Variants in YPEL1 observed in about 807,000 individuals in gnomAD.
YPEL1 encodes the protein protein yippee-like 1.
A neutral mutation model predicts 17.3 loss-of-function variants in YPEL1; 7 were observed. The ratio of observed to expected loss-of-function variants is 0.40; its 90% CI spans 0.23 to 0.76. The LOEUF is 0.76. YPEL1 is among the 30% of genes least tolerant of loss of function. The pLI is 0.35. For synonymous variants in YPEL1, 59 were observed against 59.6 expected, an observed-to-expected ratio of 0.99 and a Z score of 0.05; for missense variants, 91 against 155.5, an observed-to-expected ratio of 0.59 and a Z score of 2.21.
At chr22:21,715,635 G>C (rs776473249) in intron 1 of YPEL1, among the ~76,000 whole-genome samples, 7 of 151,644 alleles carry the variant, frequency 4.6e-5, no homozygotes, top group Non-Finnish European at 8.8e-5. Context: ...AGGCTGGAGT[G>C]CGATGGCACC....
At chr22:21,723,176 G>A (rs918031050) in intron 1 of YPEL1, 5 of 151,004 alleles carry the variant, frequency 3.3e-5, no homozygotes, top group African/African-American at 9.8e-5. Flanking sequence ...TGAGTGGTGC[G>A]CCTGGCAGGG....
At chr22:21,715,355 G>A (rs1476318853) in intron 1 of YPEL1, among the ~76,000 whole-genome samples, 5 of 151,826 alleles carry the variant, frequency 3.3e-5, no homozygotes, top group African/African-American at 4.8e-5. Flanking sequence ...TTAGCTGGGC[G>A]TGGTGGCGTG....
chr22:21,734,960 T>C (rs1034849172), intron 1 of YPEL1, among the ~76,000 whole-genome samples: 4 of 151,992 alleles, frequency 2.6e-5, no homozygotes, highest in Non-Finnish European at 4.4e-5. Context: ...GGCGGGGAAA[T>C]TGATGTCTTC....
intron 2 of YPEL1, among the ~76,000 whole-genome samples, chr22:21,707,628 T>G: frequency 6.6e-6 from 1 of 152,232 alleles, no homozygotes; most frequent in East Asian, 1.9e-4. Context: ...AATAATCATC[T>G]TATAGACTTT....
chr22:21,704,928 A>C (rs2068102037), intron 2 of YPEL1, among the ~76,000 whole-genome samples: 1 of 152,104 alleles, frequency 6.6e-6, no homozygotes, highest in African/African-American at 2.4e-5. Flanking sequence ...ATCGACCTCA[A>C]ACATAATCAA....
At chr22:21,728,082 G>A (rs905379212) in intron 1 of YPEL1, among the ~76,000 whole-genome samples, 4 of 152,164 alleles carry the variant, frequency 2.6e-5, no homozygotes, top group South Asian at 2.1e-4. Flanking sequence ...ATGTGGCCCC[G>A]CCATGTTCAG....
chr22:21,730,243 T>C (rs890000645), intron 1 of YPEL1, among the ~76,000 whole-genome samples: 2 of 152,014 alleles, frequency 1.3e-5, no homozygotes, highest in Non-Finnish European at 2.9e-5. Flanking sequence ...ATCATGGGGC[T>C]TCCAGAGTCT....
At chr22:21,724,478 T>C (rs1443905135) in intron 1 of YPEL1, among the ~76,000 whole-genome samples, 2 of 152,002 alleles carry the variant, frequency 1.3e-5, no homozygotes, top group Non-Finnish European at 2.9e-5. Flanking sequence ...TGGAGGTTGC[T>C]GTGAGCCATG....
chr22:21,733,424 T>C (rs1222124873), intron 1 of YPEL1, among the ~76,000 whole-genome samples: 3 of 146,116 alleles, frequency 2.1e-5, no homozygotes, highest in Non-Finnish European at 4.5e-5. Flanking sequence ...TCTCAAAAAA[T>C]AAACAAATAA....
chr22:21,706,716 G>A (rs1205499433), intron 2 of YPEL1, among the ~76,000 whole-genome samples: 1 of 152,048 alleles, frequency 6.6e-6, no homozygotes, highest in Non-Finnish European at 1.5e-5. Context: ...CATGGTGGCT[G>A]TGAGCCTGTA....
Position 21,703,490 on chromosome 22 carries a change from G to C in YPEL1, c.162-12C>G, listed in dbSNP as rs1283739752. On this transcript the variant is annotated splice_polypyrimidine_tract_variant and intron_variant, in intron 3 of 4. Transcript: ENST00000339468. The surrounding 1 kb of genome is among the most constrained non-coding windows in gnomAD (Gnocchi z 6.1). ...AGCCCACGTTCACCCTGCGGGGACA[G>C]AGGGGCCACTGCGCTGCAGGCCCGG... 6.2e-7 allele frequency: 1 copy of C among 1,604,280 alleles called. No homozygotes were observed. The highest frequency in any genetic ancestry group is 1.3e-5 in the African/African-American group (1 of 74,886).
At position 21,703,711 on chromosome 22, in the gene YPEL1, C is replaced by CGGG. The variant is rs1555903184; in HGVS notation, c.161+125_161+127dup. On this transcript the variant is annotated intron_variant, in intron 3 of 4. Coordinates refer to ENST00000339468, the MANE Select transcript of YPEL1 (RefSeq NM_013313.5). This position sits in a 1 kb window ranked among gnomAD's most constrained non-coding sequence, Gnocchi z 6.1. ...CTTAGCGCGTTTCAGAAACTCCCGGCGGGGGGATGGTGGGTTCTTTCAGGA... is the reference window on the plus strand; with the variant it reads ...CTTAGCGCGTTTCAGAAACTCCCGGCGGGGGGGGGATGGTGGGTTCTTTCAGGA... 26 of 1,039,578 alleles carry CGGG rather than the reference C, an allele frequency of 2.5e-5. 1 individual carries two copies. The highest frequency in any genetic ancestry group is 3.1e-5 in the Non-Finnish European group (22 of 717,018). The allele number at this position is 1,039,578 out of a possible 1,614,324, so 64.4% of individuals were successfully genotyped here. A position where few individuals can be genotyped will look rare whatever the true frequency, so the allele number is the denominator to read the frequency against.
chr22:21,728,969 C>A (rs1332877780), intron 1 of YPEL1, among the ~76,000 whole-genome samples: 1 of 152,110 alleles, frequency 6.6e-6, no homozygotes, highest in Non-Finnish European at 1.5e-5. Flanking sequence ...ATGGTGAAAC[C>A]CCATCTCTAC....
chr22:21,718,478 T>TATAA (rs893112692), intron 1 of YPEL1, among the ~76,000 whole-genome samples: 2 of 150,618 alleles, frequency 1.3e-5, no homozygotes, highest in African/African-American at 4.9e-5. Context: ...AAAATAATAA[T>TATAA]ATAAATAAAT....
chr22:21,713,286 A>G (rs1189106436), intron 1 of YPEL1, among the ~76,000 whole-genome samples: 1 of 152,210 alleles, frequency 6.6e-6, no homozygotes, highest in East Asian at 1.9e-4. Flanking sequence ...AACTGAAAAC[A>G]GGGTCTCAAA....
intron 4 of YPEL1, 81 bp from the exon 5 acceptor site, chr22:21,701,299 C>A: frequency 1.0e-6 from 1 of 997,270 alleles, no homozygotes; most frequent in Non-Finnish European, 1.5e-6. Flanking sequence ...AAACCCCCCC[C>A]AAGTCTATAC....
At chr22:21,722,146 C>T (rs1002455524) in intron 1 of YPEL1, among the ~76,000 whole-genome samples, 5 of 152,126 alleles carry the variant, frequency 3.3e-5, no homozygotes, top group African/African-American at 1.2e-4. Context: ...TTGGCCAGCG[C>T]GGTGGCTCAT....
Position 21,704,273 on chromosome 22 carries a change from G to T in YPEL1, c.118-391C>A. The T allele has an allele frequency of 5.8e-6, 4 of 694,128 alleles. No homozygotes were observed. The Admixed American group carries it at 8.1e-5, about 14-fold the overall frequency. The allele number at this position is 694,128 out of a possible 1,614,324, so 43.0% of individuals were successfully genotyped here. A position where few individuals can be genotyped will look rare whatever the true frequency, so the allele number is the denominator to read the frequency against. On this transcript the variant is annotated intron_variant, in intron 2 of 4. Coordinates refer to ENST00000339468, the MANE Select transcript of YPEL1 (RefSeq NM_013313.5). ...AGATCCTCAAAATGCTCTCCTCGCC[G>T]CCTCTTCTGCAGCAGTTCAGATGTG...
chr22:21,710,923 G>A lies in YPEL1; in HGVS notation c.-164-15C>T. On this transcript the variant is annotated splice_polypyrimidine_tract_variant and intron_variant, in intron 1 of 4. Coordinates refer to ENST00000339468, the MANE Select transcript of YPEL1 (RefSeq NM_013313.5). Reference sequence around the variant, plus strand: ...AAAAACGTAACCTGCCAACCAATCAGACAAAGTGGTGGGTTACAGAGAGAA... The same window carrying A: ...AAAAACGTAACCTGCCAACCAATCAAACAAAGTGGTGGGTTACAGAGAGAA... 1.6e-6 allele frequency: 1 copy of A among 642,898 alleles called. No homozygotes were observed. The allele number at this position is 642,898 out of a possible 1,614,324, so 39.8% of individuals were successfully genotyped here. A position where few individuals can be genotyped will look rare whatever the true frequency, so the allele number is the denominator to read the frequency against.
Sources: gnomAD v4.1 joint callset for allele counts (sites outside exome capture counted in the v4.1 genomes callset) on GRCh38, gnomAD v4.1.1 for gene constraint, Gnocchi (gnomAD v3.1) non-coding constraint, MANE v1.5 for transcripts, NCBI Gene and HGNC (gene_info 2026-07-23, HGNC 2026-07-21) for gene names.